The following STXBP4 variants were observed in gnomAD, a reference collection of about 807,000 sequenced individuals.
STXBP4 encodes the protein syntaxin-binding protein 4.
In STXBP4, 55 loss-of-function variants were observed where a neutral mutation model predicts 76.1. The observed-to-expected ratio is 0.72, with a 90% CI of 0.58 to 0.91. The LOEUF is 0.91. Ranked by LOEUF, STXBP4 falls within the 40% of genes least tolerant of loss-of-function variation. The pLI, the probability that STXBP4 is intolerant of heterozygous loss-of-function variation, is 0.00. For synonymous variants in STXBP4, 201 were observed against 220.2 expected (o/e 0.91, Z 0.77); for missense variants, 618 against 636.9 (o/e 0.97, Z 0.32).
rs2080414726 is a variant in STXBP4 at position 55,172,964 on chromosome 17, C to T, written c.*13053C>T. 6.6e-6 allele frequency: 1 copy of T among 152,174 alleles called. No individual in the cohort carries two copies. Among genetic ancestry groups the T allele is most frequent in the South Asian group, 2.1e-4 (1 of 4,828 alleles). 9.4% of individuals were successfully genotyped at this position (152,174 alleles called of 1,614,324 possible). ...AAAAGGAAAAGACTGAGATAAGTTT[C>T]CAAAACCCCTGCTGGAGCACCTTCT... On this transcript the variant is annotated 3_prime_UTR_variant, in exon 18 of 18. Coordinates refer to ENST00000376352, the MANE Select transcript of STXBP4 (RefSeq NM_178509.6).
At chr17:55,148,683 C>T (rs1463888195) in intron 17 of STXBP4, among the ~76,000 whole-genome samples, 1 of 152,112 alleles carries the variant, frequency 6.6e-6, no homozygotes, top group Non-Finnish European at 1.5e-5. Flanking sequence ...GGATTACAGG[C>T]ACCAGCCATC....
At chr17:55,143,216 G>A (rs2080113827) in intron 17 of STXBP4, among the ~76,000 whole-genome samples, 1 of 152,204 alleles carries the variant, frequency 6.6e-6, no homozygotes, top group Non-Finnish European at 1.5e-5. Context: ...ATGGCATTAT[G>A]ATGGTAGTGA....
intron 12 of STXBP4, among the ~76,000 whole-genome samples, chr17:55,052,210 G>T (rs138822928): frequency 6.6e-6 from 1 of 152,008 alleles, no homozygotes; most frequent in African/African-American, 2.4e-5. Context: ...AATGAGGAAG[G>T]GTAAGTAAAA....
intron 12 of STXBP4, among the ~76,000 whole-genome samples, chr17:55,048,290 C>T (rs949422275): frequency 5.3e-5 from 8 of 151,762 alleles, no homozygotes; most frequent in African/African-American, 1.7e-4. Context: ...TATTAATCCA[C>T]CCACCCTACC....
intron 8 of STXBP4, 108 bp downstream of exon 8, chr17:55,007,705 C>T (rs1040509632): frequency 3.8e-6 from 3 of 793,312 alleles, no homozygotes; most frequent in Admixed American, 2.7e-5. Context: ...CTTGAAGTTA[C>T]TTATTTACAA....
At chr17:55,105,476 T>TC (rs1259950291) in intron 16 of STXBP4, among the ~76,000 whole-genome samples, 71 of 149,930 alleles carry the variant, frequency 4.7e-4, no homozygotes, top group East Asian at 2.1e-3. Context: ...TTCTTTTTTT[T>TC]TTTTTTTTTG....
In STXBP4 at chr17:54,990,827, A is replaced by C; in HGVS notation, c.50A>C (p.Asp17Ala). The C allele has an allele frequency of 6.2e-7, 1 of 1,600,594 alleles. No individual in the cohort carries two copies. Among genetic ancestry groups the C allele is most frequent in the African/African-American group, 1.4e-5 (1 of 73,998 alleles). The change falls in exon 4 of 18, where the codon GAT becomes GCT. Residue 17 changes from aspartate (D) to alanine (A), a missense_variant and splice_region_variant. Coordinates refer to ENST00000376352, the MANE Select transcript of STXBP4 (RefSeq NM_178509.6). ...TGTGCTAATTTACTTTATCTTAGGG[A>C]TCCTGCCTTTCAGATGATTACAATT... is the stretch of plus-strand genomic sequence containing the variant. ...TVVSPSLLEK[D>A]PAFQMITIAK...
intron 12 of STXBP4, among the ~76,000 whole-genome samples, chr17:55,070,715 G>A (rs1308307671): frequency 6.6e-6 from 1 of 151,402 alleles, no homozygotes; most frequent in Admixed American, 6.6e-5. Context: ...CCCTTTCCAC[G>A]ACCTTTTTTT....
At chr17:55,068,062 G>C (rs1458517955) in intron 12 of STXBP4, among the ~76,000 whole-genome samples, 1 of 152,132 alleles carries the variant, frequency 6.6e-6, no homozygotes. Flanking sequence ...TCCATTGAAA[G>C]GTATATTATA....
chr17:55,057,711 A>T (rs1307571249), intron 12 of STXBP4, among the ~76,000 whole-genome samples: 1 of 151,872 alleles, frequency 6.6e-6, no homozygotes, highest in East Asian at 1.9e-4. Flanking sequence ...CCCTTGCTCC[A>T]CCGCCCGACA....
chr17:55,105,938 T>A (rs1295069438), intron 16 of STXBP4, among the ~76,000 whole-genome samples: 1 of 152,154 alleles, frequency 6.6e-6, no homozygotes, highest in Non-Finnish European at 1.5e-5. Flanking sequence ...ATTCTGTTGA[T>A]TTGGGGTGGA....
rs550763597 is a variant in STXBP4 at position 55,120,930 on chromosome 17, T to C, written c.1490-20380T>C. Among the ~76,000 whole-genome samples, 107 of 152,258 alleles carry C rather than the reference T, an allele frequency of 7.0e-4. 3 individuals are homozygous for C. Among genetic ancestry groups the C allele is most frequent in the South Asian group, 2.5e-3 (12 of 4,826 alleles). Reference sequence around the variant, plus strand: ...TTCTAGCCCTTGCACACAGAAGTGGTGCCATTTTCAACACATGATGGAATT... The same window carrying C: ...TTCTAGCCCTTGCACACAGAAGTGGCGCCATTTTCAACACATGATGGAATT... On this transcript the variant is annotated intron_variant, in intron 16 of 17. Coordinates refer to ENST00000376352, the MANE Select transcript of STXBP4 (RefSeq NM_178509.6).
the STXBP4 span, among the ~76,000 whole-genome samples, chr17:55,182,794 G>A: frequency 4.8e-5 from 7 of 145,122 alleles, no homozygotes; most frequent in Admixed American, 6.7e-5. Context: ...AAAGTGCTAA[G>A]GAAAACAACA....
At chr17:55,150,927 G>A (rs1042602873) in intron 17 of STXBP4, among the ~76,000 whole-genome samples, 9 of 152,168 alleles carry the variant, frequency 5.9e-5, no homozygotes, top group Admixed American at 5.2e-4. Context: ...ATCCAAATGG[G>A]TCCAATCACG....
chr17:55,078,931 T>C (rs1426013068), intron 15 of STXBP4, among the ~76,000 whole-genome samples, 196 bp downstream of exon 15: 2 of 152,192 alleles, frequency 1.3e-5, no homozygotes, highest in Non-Finnish European at 1.5e-5. Context: ...TTCCTGGAGG[T>C]ATTTAGTCAA....
intron 11 of STXBP4, 195 bp downstream of exon 11, chr17:55,043,520 A>G: frequency 2.6e-6 from 3 of 1,138,198 alleles, no homozygotes; most frequent in Non-Finnish European, 3.7e-6. Context: ...TTTATATTTC[A>G]CAATATCTGT....
chr17:55,023,387 GA>G (rs1188528825), intron 8 of STXBP4, among the ~76,000 whole-genome samples: 1 of 152,172 alleles, frequency 6.6e-6, no homozygotes, highest in African/African-American at 2.4e-5. Flanking sequence ...ATGGGAATGG[GA>G]CCTAAGTCTA....
Position 55,018,664 on chromosome 17 carries a change from C to T in STXBP4, c.666+11067C>T, listed in dbSNP as rs10451266. On this transcript the variant is annotated intron_variant, in intron 8 of 17. Transcript: ENST00000376352. ...AAGGGTGGTGGGATTATCATTGGTT[C>T]TTACAGGTTTTGGGATAGGCGGTGG... 3.2e-3 allele frequency among the ~76,000 whole-genome samples: 482 copies of T among 152,220 alleles called. 12 individuals carry two copies. The highest frequency in any genetic ancestry group is 0.025 in the East Asian group (131 of 5,186).
intron 4 of STXBP4, among the ~76,000 whole-genome samples, chr17:54,995,981 C>T (rs1183367111): frequency 6.6e-6 from 1 of 151,944 alleles, no homozygotes; most frequent in Non-Finnish European, 1.5e-5. Flanking sequence ...TTCTGGCCCA[C>T]TAAAAGAATC....
Sources: gnomAD v4.1 joint callset for allele counts (sites outside exome capture counted in the v4.1 genomes callset) on GRCh38, gnomAD v4.1.1 for gene constraint, MANE v1.5 for transcripts, NCBI Gene and HGNC (gene_info 2026-07-23, HGNC 2026-07-21) for gene names.